The following FNDC3B variants were observed in gnomAD, a reference collection of about 807,000 sequenced individuals.
The protein encoded by FNDC3B is fibronectin type III domain containing 3B.
FNDC3B carries 12 observed loss-of-function variants against 151.5 expected under a neutral mutation model. The observed-to-expected ratio is 0.08, with a 90% CI of 0.05 to 0.13. The LOEUF is 0.13. Among genes scored for constraint, FNDC3B ranks in the 10% least tolerant of loss-of-function variants. The pLI is 1.00. For synonymous variants in FNDC3B, 528 were observed against 549.0 expected (o/e 0.96, Z 0.54); for missense variants, 1,214 against 1,505.3 (o/e 0.81, Z 3.20).
intron 3 of FNDC3B, among the ~76,000 whole-genome samples, chr3:172,149,885 C>A (rs1046961285): frequency 2.4e-5 from 3 of 122,712 alleles, no homozygotes; most frequent in Admixed American, 2.2e-4. Context: ...GTGGCATGAT[C>A]TCAGCTCACT....
intron 3 of FNDC3B, among the ~76,000 whole-genome samples, chr3:172,142,487 C>T (rs1003205788): frequency 6.6e-6 from 1 of 152,180 alleles, no homozygotes; most frequent in African/African-American, 2.4e-5. Flanking sequence ...TTCAGAAAAG[C>T]GAGCAGTGTC....
chr3:172,300,912 T>C (rs777281759), intron 9 of FNDC3B, among the ~76,000 whole-genome samples: 25 of 152,218 alleles, frequency 1.6e-4, no homozygotes, highest in Admixed American at 6.5e-4. Flanking sequence ...CTTTTTCCTT[T>C]TACAGTCTTG....
At chr3:172,369,801 G>A (rs569170198) in intron 23 of FNDC3B, among the ~76,000 whole-genome samples, 1 of 152,070 alleles carries the variant, frequency 6.6e-6, no homozygotes, top group Non-Finnish European at 1.5e-5. Context: ...AGACATGGTC[G>A]GACTCTGTGT....
intron 23 of FNDC3B, among the ~76,000 whole-genome samples, chr3:172,372,953 A>T (rs933698488): frequency 1.3e-5 from 2 of 152,316 alleles, no homozygotes; most frequent in East Asian, 1.9e-4. Context: ...TGTGGCAGTA[A>T]AGCGCAGAGC....
chr3:172,310,638 TCTCTACTG>T (rs1731425560), intron 10 of FNDC3B, among the ~76,000 whole-genome samples, 182 bp from the exon 11 acceptor site: 1 of 152,224 alleles, frequency 6.6e-6, no homozygotes, highest in Non-Finnish European at 1.5e-5. Flanking sequence ...GTGGGGACTC[TCTCTACTG>T]TTGAGGTATG....
intron 1 of FNDC3B, among the ~76,000 whole-genome samples, chr3:172,078,054 C>G (rs1273627896): frequency 2.6e-5 from 4 of 152,120 alleles, no homozygotes; most frequent in Non-Finnish European, 4.4e-5. Context: ...AATCTCTGCT[C>G]ACTGCAACCT....
intron 1 of FNDC3B, among the ~76,000 whole-genome samples, chr3:172,075,503 A>G (rs1244754910): frequency 2.0e-5 from 3 of 152,172 alleles, no homozygotes; most frequent in African/African-American, 2.4e-5. Context: ...CAAAAATGGG[A>G]ATTAACCGAT....
intron 25 of FNDC3B, among the ~76,000 whole-genome samples, chr3:172,383,984 G>T (rs1255611184): frequency 7.0e-6 from 1 of 143,334 alleles, no homozygotes; most frequent in Non-Finnish European, 1.5e-5. Context: ...AATGCCACCT[G>T]TTCTCTGAAA....
chr3:172,329,038 C>T lies in FNDC3B; in HGVS notation c.1341C>T (p.Tyr447=), dbSNP rs2108284289. ...KLTKLCPAMG[Y]TFRLAARNDI... is the part of the protein sequence containing the mutation. ...CAAAGCTTTGTCCGGCAATGGGGTACACATTCAGGCTGGCCGCTCGAAACG... is the reference window on the plus strand; with the variant it reads ...CAAAGCTTTGTCCGGCAATGGGGTATACATTCAGGCTGGCCGCTCGAAACG... Residue 447 remains tyrosine (Y), a synonymous_variant, in exon 12 of 26, where the codon TAC becomes TAT. Transcript: ENST00000415807. The T allele has an allele frequency of 6.2e-7, 1 of 1,613,716 alleles. No individual in the cohort carries two copies. The highest frequency in any genetic ancestry group is 8.5e-7 in the Non-Finnish European group (1 of 1,179,796).
intron 7 of FNDC3B, among the ~76,000 whole-genome samples, chr3:172,287,013 AC>A (rs113407311): frequency 1.8e-4 from 28 of 152,314 alleles, no homozygotes; most frequent in African/African-American, 6.7e-4. Context: ...AGAATACGGC[AC>A]TATAACCTGT....
chr3:172,176,080 A>G (rs757305964), intron 3 of FNDC3B, among the ~76,000 whole-genome samples: 12 of 152,256 alleles, frequency 7.9e-5, no homozygotes, highest in Non-Finnish European at 1.5e-4. Context: ...TTCCCAAACC[A>G]GTTCCAAGCC....
chr3:172,258,319 G>A (rs1439067826), intron 6 of FNDC3B, among the ~76,000 whole-genome samples: 1 of 152,138 alleles, frequency 6.6e-6, no homozygotes, highest in Non-Finnish European at 1.5e-5. Flanking sequence ...TTGTGCATTT[G>A]TCTTTCAGAG....
chr3:172,303,934 C>T (rs1290723662), intron 9 of FNDC3B, among the ~76,000 whole-genome samples: 1 of 152,164 alleles, frequency 6.6e-6, no homozygotes, highest in Non-Finnish European at 1.5e-5. Context: ...ACTTACATTG[C>T]CATGCAAAAT....
At chr3:172,169,213 G>A (rs1436834346) in intron 3 of FNDC3B, among the ~76,000 whole-genome samples, 1 of 152,156 alleles carries the variant, frequency 6.6e-6, no homozygotes, top group Non-Finnish European at 1.5e-5. Context: ...AACCCTTGGA[G>A]GATGTGGAAT....
chr3:172,363,632 C>T (rs1303540042), intron 23 of FNDC3B, among the ~76,000 whole-genome samples: 1 of 152,128 alleles, frequency 6.6e-6, no homozygotes, highest in Non-Finnish European at 1.5e-5. Flanking sequence ...CACACAAAAC[C>T]AGTGTCAGGA....
In FNDC3B at chr3:172,062,624, T is replaced by C. The variant is rs950455105; in HGVS notation, c.-29+22853T>C. ...GAAAGTGGGATTTTCTCTTTATCAT[T>C]GTTTGATTATTGTATAAGTATTATG... On this transcript the variant is annotated intron_variant, in intron 1 of 25. Coordinates refer to ENST00000415807, the MANE Select transcript of FNDC3B (RefSeq NM_022763.4). Among the ~76,000 whole-genome samples, 4 of 152,162 alleles carry C rather than the reference T, an allele frequency of 2.6e-5. No individual in the cohort carries two copies. In the East Asian group the frequency reaches 7.7e-4, roughly 29 times the overall value.
intron 13 of FNDC3B, among the ~76,000 whole-genome samples, chr3:172,331,355 T>C (rs1383024819): frequency 1.3e-5 from 2 of 152,106 alleles, no homozygotes; most frequent in Non-Finnish European, 2.9e-5. Context: ...TAGTCTGTTC[T>C]TTTTGTTTTG....
At chr3:172,251,176 C>T in intron 5 of FNDC3B, 84 bp from the exon 6 acceptor site, 1 of 1,087,486 alleles carries the variant, frequency 9.2e-7, no homozygotes, top group Non-Finnish European at 1.3e-6. Flanking sequence ...TAGACTTCTT[C>T]AGGAGCCAGA....
At chr3:172,112,220 A>G (rs1022078821) in intron 1 of FNDC3B, among the ~76,000 whole-genome samples, 2 of 152,258 alleles carry the variant, frequency 1.3e-5, no homozygotes, top group Non-Finnish European at 2.9e-5. Flanking sequence ...GAGATACAGG[A>G]AAGTTATGTT....
Sources: allele counts gnomAD v4.1 joint callset (sites outside exome capture counted in the v4.1 genomes callset), GRCh38; gene constraint gnomAD v4.1.1; transcripts MANE v1.5; gene names NCBI Gene and HGNC (gene_info 2026-07-23, HGNC 2026-07-21).